Variants in PCDH15 observed in about 807,000 individuals in gnomAD.
PCDH15 encodes protocadherin related 15.
In PCDH15, 129 loss-of-function variants were observed where a neutral mutation model predicts 178.5. That is an observed-to-expected ratio of 0.72 (90% CI 0.63 to 0.84). PCDH15 has a LOEUF of 0.84. PCDH15 is among the 40% of genes least tolerant of loss of function. The probability of loss-of-function intolerance (pLI) is 0.00; values close to 1 mark genes in which losing one functional copy is unlikely to be tolerated. For synonymous variants in PCDH15, 800 were observed against 732.0 expected (o/e 1.09, Z -1.50); for missense variants, 2,230 against 2,099.9 (o/e 1.06, Z -1.21).
At chr10:54,341,066 T>C (rs1588919457) in intron 6 of PCDH15, among the ~76,000 whole-genome samples, 1 of 152,154 alleles carries the variant, frequency 6.6e-6, no homozygotes, top group African/African-American at 2.4e-5. Flanking sequence ...GCACTGGCTG[T>C]GATCAATTAT....
At chr10:54,222,652 T>C (rs2052971741) in intron 9 of PCDH15, among the ~76,000 whole-genome samples, 1 of 152,220 alleles carries the variant, frequency 6.6e-6, no homozygotes, top group Admixed American at 6.5e-5. Context: ...ACACTTGATA[T>C]TGTCAGTCAT....
At chr10:54,146,978 GTA>G (rs374529506) in intron 14 of PCDH15, among the ~76,000 whole-genome samples, 329 of 119,444 alleles carry the variant, frequency 2.8e-3, no homozygotes, top group African/African-American at 8.4e-3. Context: ...TATATATAGT[GTA>G]TATATATATA....
At chr10:54,507,753 G>T (rs2081292389) in intron 3 of PCDH15, among the ~76,000 whole-genome samples, 1 of 151,962 alleles carries the variant, frequency 6.6e-6, no homozygotes, top group African/African-American at 2.4e-5. Flanking sequence ...CAATGTGTCT[G>T]TGGAATCTGA....
At chr10:54,278,709 G>A (rs1452740039) in intron 8 of PCDH15, among the ~76,000 whole-genome samples, 1 of 151,566 alleles carries the variant, frequency 6.6e-6, no homozygotes, top group Non-Finnish European at 1.5e-5. Context: ...CTAAATTTTG[G>A]TCATGAATAT....
At chr10:54,226,144 C>T (rs1308372785) in intron 9 of PCDH15, among the ~76,000 whole-genome samples, 2 of 152,054 alleles carry the variant, frequency 1.3e-5, no homozygotes, top group Non-Finnish European at 2.9e-5. Flanking sequence ...GGGCAATTTA[C>T]AAAGGAAAAA....
At chr10:54,820,105 A>G (rs1953013014) in intron 3 of PCDH15, among the ~76,000 whole-genome samples, 1 of 152,038 alleles carries the variant, frequency 6.6e-6, no homozygotes, top group South Asian at 2.1e-4. Context: ...TCCCATAGAA[A>G]CCATTCCAAC....
In PCDH15 at chr10:54,324,898, A is replaced by G. The variant is rs145260840; in HGVS notation, c.705+4698T>C. On this transcript the variant is annotated intron_variant, in intron 7 of 37. Coordinates refer to ENST00000644397, the MANE Select transcript of PCDH15 (RefSeq NM_001384140.1). The stretch of plus-strand genomic sequence containing the variant: ...ATAATATAAAAGAGAGTTTGCTTTG[A>G]AGAAAAATGATATGTAAAGAGATTA... Among the ~76,000 whole-genome samples, 103 of 152,242 alleles carry G rather than the reference A, an allele frequency of 6.8e-4. 1 individual carries two copies. The East Asian group carries it at 8.7e-3, about 13-fold the overall frequency.
intron 3 of PCDH15, among the ~76,000 whole-genome samples, chr10:54,408,874 A>G (rs1043986417): frequency 6.6e-6 from 1 of 152,128 alleles, no homozygotes; most frequent in African/African-American, 2.4e-5. Context: ...GGAACCAGGC[A>G]TCTGGATCAT....
intron 2 of PCDH15, among the ~76,000 whole-genome samples, chr10:54,609,225 C>A (rs532327922): frequency 6.6e-6 from 1 of 152,026 alleles, no homozygotes; most frequent in Admixed American, 6.6e-5. Context: ...GGCAGATATT[C>A]ATTATAATAG....
chr10:54,360,230 C>T (rs920914683), intron 5 of PCDH15, among the ~76,000 whole-genome samples: 5 of 152,052 alleles, frequency 3.3e-5, no homozygotes, highest in African/African-American at 1.2e-4. Context: ...GATTGTCTAA[C>T]CAACCACCTG....
At chr10:54,677,894 G>T (rs781161262) in intron 1 of PCDH15, among the ~76,000 whole-genome samples, 1 of 152,098 alleles carries the variant, frequency 6.6e-6, no homozygotes, top group Non-Finnish European at 1.5e-5. Flanking sequence ...CTCTCCATAC[G>T]CATTTAGGAC....
At chr10:55,319,509 G>A (rs933397055) in intron 1 of PCDH15, 2 of 152,134 alleles carry the variant, frequency 1.3e-5, no homozygotes, top group African/African-American at 2.4e-5. Flanking sequence ...TGGGTCACCG[G>A]GAAGACTGAC....
chr10:53,840,098 G>A (rs1422871903), intron 29 of PCDH15, among the ~76,000 whole-genome samples: 3 of 152,142 alleles, frequency 2.0e-5, no homozygotes, highest in African/African-American at 7.2e-5. Flanking sequence ...GTCATCTGAT[G>A]CCCATAAAGA....
intron 32 of PCDH15, chr10:53,821,863 G>A: frequency 6.2e-7 from 1 of 1,612,912 alleles, no homozygotes; most frequent in Non-Finnish European, 8.5e-7. Context: ...CAACATTACA[G>A]TGAAGTAGAT....
chr10:54,528,486 TTAGTGAGAGATTTAAGGATATAAAAAG>T, intron 2 of PCDH15: 14 of 1,042,800 alleles, frequency 1.3e-5, no homozygotes, highest in Non-Finnish European at 1.6e-5. Flanking sequence ...ATGTATATAT[TTAGTGAGAGATTTAAGGATATAAAAAG>T]CATTATACAA....
intron 15 of PCDH15, among the ~76,000 whole-genome samples, chr10:54,107,818 A>T (rs956081284): frequency 2.6e-5 from 4 of 152,198 alleles, no homozygotes; most frequent in Non-Finnish European, 5.9e-5. Context: ...GGGTTGCCAC[A>T]GCAGCCTGGC....
chr10:54,650,900 T>C (rs1286574050), intron 2 of PCDH15, among the ~76,000 whole-genome samples: 1 of 152,148 alleles, frequency 6.6e-6, no homozygotes, highest in Non-Finnish European at 1.5e-5. Context: ...TTCAAGATGA[T>C]ATTTGGGTGA....
At chr10:54,756,448 C>T (rs1003247728) in intron 1 of PCDH15, among the ~76,000 whole-genome samples, 5 of 152,016 alleles carry the variant, frequency 3.3e-5, no homozygotes, top group African/African-American at 1.2e-4. Context: ...GTTTGTTTGG[C>T]TCTCTGCTCA....
intron 17 of PCDH15, among the ~76,000 whole-genome samples, chr10:54,069,958 C>T (rs1326659144): frequency 6.6e-6 from 1 of 151,994 alleles, no homozygotes; most frequent in Admixed American, 6.6e-5. Flanking sequence ...ACTAATAAAC[C>T]TAATAAATAA....
Sources: gnomAD v4.1 joint callset for allele counts (sites outside exome capture counted in the v4.1 genomes callset) on GRCh38, gnomAD v4.1.1 for gene constraint, MANE v1.5 for transcripts, NCBI Gene and HGNC (gene_info 2026-07-23, HGNC 2026-07-21) for gene names.